CMIP: variants seen among roughly 807,000 people sequenced by gnomAD.
CMIP encodes the protein C-Maf-inducing protein.
Under a neutral mutation model 97.3 loss-of-function variants are expected in CMIP, and 13 were observed. The observed-to-expected ratio is 0.13, with a 90% confidence interval of 0.09 to 0.21. The LOEUF (loss-of-function observed/expected upper bound fraction) is 0.21, where lower values mean the gene tolerates loss of function less well. CMIP is among the 10% of genes least tolerant of loss of function. CMIP has a pLI of 1.00. For missense variants in CMIP, 847 were observed against 1,024.9 expected (o/e 0.83, Z 2.37); for synonymous variants, 538 against 436.3 (o/e 1.23, Z -2.91).
Position 81,627,529 on chromosome 16 carries a change from C to T in CMIP, c.477+6603C>T, listed in dbSNP as rs537622067. On this transcript the variant is annotated intron_variant, in intron 3 of 20. Transcript: ENST00000537098. The surrounding 1 kb of genome is among the most constrained non-coding windows in gnomAD (Gnocchi z 4.6). The stretch of plus-strand genomic sequence containing the variant: ...CCCTTCCAGCCTCCACAGGTGGTCC[C>T]GGCTGACTCATGGCCTGGGAGGGCT... 4.2e-5 allele frequency among the ~76,000 whole-genome samples: 6 copies of T among 141,356 alleles called. No individual in the cohort carries two copies. The East Asian group carries it at 1.0e-3, about 24-fold the overall frequency. 92.7% of individuals were successfully genotyped at this position (141,356 alleles called of 152,430 possible). A position where few individuals can be genotyped will look rare whatever the true frequency, so the allele number is the denominator to read the frequency against.
chr16:81,465,004 G>A (rs533697335), intron 1 of CMIP: 2 of 152,288 alleles, frequency 1.3e-5, no homozygotes, highest in South Asian at 4.1e-4. Flanking sequence ...TGTGGGTAAC[G>A]CTCCTGTGAA....
chr16:81,645,069 C>T (rs2092348685), intron 3 of CMIP, among the ~76,000 whole-genome samples: 1 of 152,258 alleles, frequency 6.6e-6, no homozygotes, highest in South Asian at 2.1e-4. Context: ...CACCACTAGA[C>T]ACAGCTGGCT....
At chr16:81,701,985 C>A (rs536488686) in intron 16 of CMIP, among the ~76,000 whole-genome samples, 185 bp downstream of exon 16, 18 of 152,318 alleles carry the variant, frequency 1.2e-4, no homozygotes, top group African/African-American at 4.3e-4. Flanking sequence ...CAAAGCAATC[C>A]CCAGAGTCAC....
At chr16:81,524,201 G>A (rs779407503) in intron 1 of CMIP, among the ~76,000 whole-genome samples, 10 of 152,224 alleles carry the variant, frequency 6.6e-5, no homozygotes, top group Non-Finnish European at 1.2e-4. Context: ...AAGGAAGCCA[G>A]TATTGGGGTC....
At chr16:81,705,655 T>G in intron 19 of CMIP, 51 bp downstream of exon 19, 1 of 1,251,286 alleles carries the variant, frequency 8.0e-7, no homozygotes, top group East Asian at 2.5e-5. Context: ...GATTCATTCC[T>G]TCCTTGCTTC....
chr16:81,679,379 TAGAG>T (rs1904634154), intron 10 of CMIP, among the ~76,000 whole-genome samples: 1 of 152,114 alleles, frequency 6.6e-6, no homozygotes, highest in South Asian at 2.1e-4. Context: ...GCTGTAGGGT[TAGAG>T]AGCATGTGTG....
At chr16:81,648,670 C>T (rs1199988726) in intron 3 of CMIP, among the ~76,000 whole-genome samples, 6 of 151,804 alleles carry the variant, frequency 4.0e-5, no homozygotes, top group Admixed American at 2.6e-4. Context: ...GTAATCCCAG[C>T]TTCTTGGGAG....
chr16:81,537,311 G>A (rs2090361789), intron 1 of CMIP, among the ~76,000 whole-genome samples: 1 of 152,062 alleles, frequency 6.6e-6, no homozygotes, highest in Non-Finnish European at 1.5e-5. Context: ...GAGGTGGGCG[G>A]ATCACTTGAG....
At chr16:81,512,303 G>GA (rs1230952382) in intron 1 of CMIP, among the ~76,000 whole-genome samples, 7 of 152,104 alleles carry the variant, frequency 4.6e-5, no homozygotes, top group Non-Finnish European at 1.0e-4. Flanking sequence ...CTTGGTGGGG[G>GA]TCTTTCTTGC....
At position 81,678,365 on chromosome 16, in the gene CMIP, C is replaced by G; in HGVS notation, c.1125C>G (p.His375Gln). 15 of 1,613,024 alleles carry G rather than the reference C, an allele frequency of 9.3e-6. No homozygotes were observed. Among genetic ancestry groups the G allele is most frequent in the Non-Finnish European group, 1.2e-5 (14 of 1,179,570 alleles). The change falls in exon 10 of 21, where the codon CAC becomes CAG. Residue 375 changes from histidine (H) to glutamine (Q), a missense_variant. Transcript: ENST00000537098. ...CCACTTTACCTCTGCGCCTTCTGCACCCCAGCCCGGACCTGGTGTCTCAGG... is the reference window on the plus strand; with the variant it reads ...CCACTTTACCTCTGCGCCTTCTGCAGCCCAGCCCGGACCTGGTGTCTCAGG... ...RKPTLPLRLL[H>Q]PSPDLVSQEA...
chr16:81,638,606 C>T lies in CMIP; in HGVS notation c.478-13597C>T, dbSNP rs543193460. On this transcript the variant is annotated intron_variant, in intron 3 of 20. Coordinates refer to ENST00000537098, the MANE Select transcript of CMIP (RefSeq NM_198390.3). ...CTCCCCTTGTCCCTTTCCTCTCCCC[C>T]CTCTCCCTTCTCCTTGGAGAAGAAC... Among the ~76,000 whole-genome samples the T allele has an allele frequency of 1.7e-4, 26 of 152,224 alleles. No homozygotes were observed. In the Middle Eastern group the frequency reaches 0.017, roughly 100 times the overall value.
chr16:81,484,692 G>A (rs1053878149), intron 1 of CMIP, among the ~76,000 whole-genome samples: 1 of 152,168 alleles, frequency 6.6e-6, no homozygotes, highest in African/African-American at 2.4e-5. Flanking sequence ...GACGCTAAGC[G>A]ATGGAAACAT....
intron 20 of CMIP, among the ~76,000 whole-genome samples, chr16:81,708,634 G>A (rs1908420868): frequency 6.6e-6 from 1 of 152,244 alleles, no homozygotes. Flanking sequence ...TTTGGAGGAG[G>A]GGCCTCTGCT....
intron 1 of CMIP, among the ~76,000 whole-genome samples, chr16:81,589,471 A>G (rs1336455703): frequency 1.3e-5 from 2 of 151,002 alleles, no homozygotes; most frequent in East Asian, 3.9e-4. Context: ...AGAAACATAT[A>G]TGCAGACTTG....
intron 1 of CMIP, chr16:81,520,196 C>T (rs1370127377): frequency 1.3e-5 from 2 of 152,176 alleles, no homozygotes; most frequent in African/African-American, 4.8e-5. Flanking sequence ...CTCTGGAGTC[C>T]TGCTGGCTGG....
In CMIP at chr16:81,547,388, G is replaced by A. The variant is rs928941825; in HGVS notation, c.301-60179G>A. Among the ~76,000 whole-genome samples the A allele has an allele frequency of 4.6e-5, 7 of 152,160 alleles. No homozygotes were observed. In the East Asian group the frequency reaches 1.3e-3, roughly 29 times the overall value. On this transcript the variant is annotated intron_variant, in intron 1 of 20. Transcript: ENST00000537098. The stretch of plus-strand genomic sequence containing the variant: ...CTCTGCAGAAAGACCCCCGCTCCAG[G>A]CTCCCTGCTGGCCCTTCCAGTCAGA...
At chr16:81,446,094 G>T (rs1323263232) in intron 1 of CMIP, among the ~76,000 whole-genome samples, 3 of 152,068 alleles carry the variant, frequency 2.0e-5, no homozygotes, top group African/African-American at 7.2e-5. Flanking sequence ...GGCAGAACGG[G>T]GTGCTTCCCT....
At chr16:81,680,629 C>T (rs1473596078) in intron 10 of CMIP, among the ~76,000 whole-genome samples, 2 of 152,210 alleles carry the variant, frequency 1.3e-5, no homozygotes, top group Admixed American at 6.5e-5. Flanking sequence ...CCCAGCCAAG[C>T]GGAATTCCAG....
rs1379588346 is a variant in CMIP, at chr16:81,488,709, A to G, written c.300+43168A>G. Among the ~76,000 whole-genome samples the G allele has an allele frequency of 2.0e-5, 3 of 152,116 alleles. No individual in the cohort carries two copies. The South Asian group carries it at 6.2e-4, about 32-fold the overall frequency. ...CAGGGAGGCTCCTGTGACTTTCAGG[A>G]GAGCCTTGGGAGGGCACAGAACCTC... On this transcript the variant is annotated intron_variant, in intron 1 of 20. Transcript: ENST00000537098.
Sources: allele counts gnomAD v4.1 joint callset (sites outside exome capture counted in the v4.1 genomes callset), GRCh38; gene constraint gnomAD v4.1.1; non-coding constraint Gnocchi (gnomAD v3.1); transcripts MANE v1.5; gene names NCBI Gene and HGNC (gene_info 2026-07-23, HGNC 2026-07-21).